The following OPN5 variants were observed in gnomAD, a reference collection of about 807,000 sequenced individuals.
The protein encoded by OPN5 is opsin 5.
In OPN5, 18 loss-of-function variants were observed where a neutral mutation model predicts 41.7. The observed-to-expected ratio is 0.43, with a 90% CI of 0.30 to 0.64. The LOEUF (loss-of-function observed/expected upper bound fraction) is 0.64. Among genes scored for constraint, OPN5 ranks in the 30% least tolerant of loss-of-function variants. OPN5 has a pLI of 0.13. For missense variants in OPN5, 318 were observed against 434.5 expected, an observed-to-expected ratio of 0.73 and a Z score of 2.38; for synonymous variants, 178 against 164.3, an observed-to-expected ratio of 1.08 and a Z score of -0.64.
At chr6:47,797,303 C>T (rs990001485) in intron 4 of OPN5, among the ~76,000 whole-genome samples, 2 of 152,144 alleles carry the variant, frequency 1.3e-5, no homozygotes, top group African/African-American at 2.4e-5. Context: ...AATAATAGAA[C>T]AGTTCTTGGA....
intron 6 of OPN5, among the ~76,000 whole-genome samples, chr6:47,816,725 C>T (rs1762439188): frequency 6.6e-6 from 1 of 152,088 alleles, no homozygotes; most frequent in Non-Finnish European, 1.5e-5. Context: ...CTTGATCTCT[C>T]AGTGTCGCTG....
At chr6:47,804,961 G>T (rs1373535899) in intron 4 of OPN5, among the ~76,000 whole-genome samples, 1 of 152,114 alleles carries the variant, frequency 6.6e-6, no homozygotes, top group African/African-American at 2.4e-5. Flanking sequence ...TCTATTTTTT[G>T]TCAATGACTT....
At chr6:47,801,438 G>A (rs749824857) in intron 4 of OPN5, among the ~76,000 whole-genome samples, 23 of 152,076 alleles carry the variant, frequency 1.5e-4, no homozygotes, top group African/African-American at 3.6e-4. Context: ...TCCCTTAAAT[G>A]ACTCCTCCCT....
At chr6:47,804,495 C>G (rs1303117676) in intron 4 of OPN5, among the ~76,000 whole-genome samples, 1 of 152,020 alleles carries the variant, frequency 6.6e-6, no homozygotes, top group Non-Finnish European at 1.5e-5. Flanking sequence ...AAAATGCTGA[C>G]AAAAACGGAG....
intron 6 of OPN5, among the ~76,000 whole-genome samples, chr6:47,817,554 G>T (rs1023238345): frequency 2.0e-5 from 3 of 152,046 alleles, no homozygotes; most frequent in Non-Finnish European, 4.4e-5. Context: ...CAGAGCTTGG[G>T]TATCTCCTGA....
At chr6:47,801,002 T>C (rs1360264341) in intron 4 of OPN5, among the ~76,000 whole-genome samples, 1 of 152,200 alleles carries the variant, frequency 6.6e-6, no homozygotes, top group Non-Finnish European at 1.5e-5. Context: ...GAATTTCTCT[T>C]AGTGTCCCTT....
At chr6:47,816,645 A>G (rs1230584366) in intron 6 of OPN5, among the ~76,000 whole-genome samples, 1 of 152,060 alleles carries the variant, frequency 6.6e-6, no homozygotes, top group African/African-American at 2.4e-5. Context: ...AGTTCAGAGT[A>G]CAGTTTCAGA....
chr6:47,784,201 G>A (rs1016032161), intron 1 of OPN5, among the ~76,000 whole-genome samples: 4 of 152,106 alleles, frequency 2.6e-5, no homozygotes, highest in African/African-American at 7.2e-5. Context: ...GAGAGGGGTC[G>A]ACTGGAGGGG....
intron 6 of OPN5, among the ~76,000 whole-genome samples, chr6:47,822,843 T>C (rs1399699386): frequency 3.3e-5 from 5 of 152,236 alleles, no homozygotes; most frequent in African/African-American, 1.2e-4. Flanking sequence ...CCCACACTTC[T>C]GTTGTTCAAG....
At chr6:47,805,939 T>C (rs1295196527) in intron 4 of OPN5, among the ~76,000 whole-genome samples, 1 of 152,092 alleles carries the variant, frequency 6.6e-6, no homozygotes, top group Non-Finnish European at 1.5e-5. Flanking sequence ...TTCCTGGAAC[T>C]CCTTTATAAA....
intron 4 of OPN5, among the ~76,000 whole-genome samples, chr6:47,801,512 C>T (rs540958204): frequency 6.6e-6 from 1 of 152,206 alleles, no homozygotes; most frequent in East Asian, 1.9e-4. Flanking sequence ...CCTGTGTGGA[C>T]TCTAAGGGCA....
At chr6:47,810,617 C>A (rs546762498) in intron 5 of OPN5, among the ~76,000 whole-genome samples, 1 of 152,162 alleles carries the variant, frequency 6.6e-6, no homozygotes, top group Admixed American at 6.5e-5. Flanking sequence ...ATTTTGAAAT[C>A]AAATAATAAA....
At chr6:47,808,431 C>G (rs1285392989) in intron 5 of OPN5, 36 bp downstream of exon 5, 5 of 1,610,756 alleles carry the variant, frequency 3.1e-6, no homozygotes, top group Non-Finnish European at 4.2e-6. Context: ...ATTACACTCT[C>G]TTTGTTTCAA....
intron 6 of OPN5, among the ~76,000 whole-genome samples, chr6:47,812,196 A>G (rs1762264265): frequency 6.6e-6 from 1 of 152,114 alleles, no homozygotes; most frequent in Admixed American, 6.6e-5. Flanking sequence ...GCCATTTTTC[A>G]TGCTGGAGGA....
At chr6:47,784,195 G>A (rs1460496564) in intron 1 of OPN5, among the ~76,000 whole-genome samples, 2 of 152,174 alleles carry the variant, frequency 1.3e-5, no homozygotes, top group African/African-American at 4.8e-5. Context: ...GGTGAGGAGA[G>A]GGGTCGACTG....
At chr6:47,801,561 C>T (rs1773774471) in intron 4 of OPN5, among the ~76,000 whole-genome samples, 1 of 152,070 alleles carries the variant, frequency 6.6e-6, no homozygotes, top group Non-Finnish European at 1.5e-5. Flanking sequence ...TTAAAAAACC[C>T]CCAAAACCAA....
chr6:47,795,153 GA>G, intron 3 of OPN5, 75 bp from the exon 4 acceptor site: 1 of 1,089,434 alleles, frequency 9.2e-7, no homozygotes, highest in Non-Finnish European at 1.3e-6. Context: ...TTTGGAGGTG[GA>G]ATTTGACATA....
intron 6 of OPN5, among the ~76,000 whole-genome samples, chr6:47,816,281 C>G (rs540217871): frequency 6.6e-6 from 1 of 152,074 alleles, no homozygotes; most frequent in Non-Finnish European, 1.5e-5. Flanking sequence ...ATTGTAAATA[C>G]TTTAATTGTA....
intron 6 of OPN5, among the ~76,000 whole-genome samples, chr6:47,817,827 G>A (rs1390563479): frequency 2.6e-5 from 4 of 152,158 alleles, no homozygotes; most frequent in Non-Finnish European, 4.4e-5. Context: ...GGGGATCTGT[G>A]AGCGGGACAC....
Sources: gnomAD v4.1 joint callset for allele counts (sites outside exome capture counted in the v4.1 genomes callset) on GRCh38, gnomAD v4.1.1 for gene constraint, MANE v1.5 for transcripts, NCBI Gene and HGNC (gene_info 2026-07-23, HGNC 2026-07-21) for gene names.